Variants in BANK1 observed in about 807,000 individuals in gnomAD.
BANK1 encodes B-cell scaffold protein with ankyrin repeats.
BANK1 carries 95 observed loss-of-function variants against 94.5 expected under a neutral mutation model. The ratio of observed to expected loss-of-function variants is 1.00; its 90% CI spans 0.85 to 1.19. BANK1 has a LOEUF of 1.19. BANK1 is among the 50% of genes most tolerant of loss of function. BANK1 has a pLI of 0.00. For synonymous variants in BANK1, 334 were observed against 308.4 expected (o/e 1.08, Z -0.87); for missense variants, 987 against 932.2 (o/e 1.06, Z -0.77).
At chr4:101,954,491 G>A (rs1724274077) in intron 7 of BANK1, among the ~76,000 whole-genome samples, 1 of 152,072 alleles carries the variant, frequency 6.6e-6, no homozygotes, top group Non-Finnish European at 1.5e-5. Context: ...CCTAGAAAAG[G>A]TGGTAGTAAA....
intron 7 of BANK1, among the ~76,000 whole-genome samples, chr4:101,939,544 CAG>C (rs1723673873): frequency 6.6e-6 from 1 of 151,650 alleles, no homozygotes; most frequent in Admixed American, 6.6e-5. Flanking sequence ...GTTGCAATGG[CAG>C]GGGAGTAGAG....
intron 5 of BANK1, among the ~76,000 whole-genome samples, chr4:101,876,883 A>G (rs1401411670): frequency 6.6e-6 from 1 of 152,176 alleles, no homozygotes; most frequent in Non-Finnish European, 1.5e-5. Flanking sequence ...GAAATTCTGG[A>G]GCTGAAAAAT....
chr4:101,831,068 T>C (rs1726598380), intron 2 of BANK1, among the ~76,000 whole-genome samples: 1 of 152,214 alleles, frequency 6.6e-6, no homozygotes. Flanking sequence ...TGTTGAGTTC[T>C]ATGGCTCCTT....
At chr4:101,927,426 G>A (rs1203611890) in intron 7 of BANK1, among the ~76,000 whole-genome samples, 1 of 151,590 alleles carries the variant, frequency 6.6e-6, no homozygotes, top group Non-Finnish European at 1.5e-5. Context: ...AACCATATCA[G>A]GCATCATATG....
chr4:101,830,328 C>T (rs1726569014), intron 2 of BANK1, 122 bp downstream of exon 2: 2 of 779,510 alleles, frequency 2.6e-6, no homozygotes, highest in African/African-American at 1.8e-5. Flanking sequence ...AAAATGAGAG[C>T]TGATTTTATT....
intron 13 of BANK1, among the ~76,000 whole-genome samples, chr4:102,066,399 G>A (rs1728594311): frequency 6.6e-6 from 1 of 151,502 alleles, no homozygotes; most frequent in African/African-American, 2.4e-5. Flanking sequence ...TGAGACTACA[G>A]GCACCCGCCA....
At chr4:102,003,541 T>G (rs932982414) in intron 7 of BANK1, among the ~76,000 whole-genome samples, 11 of 152,178 alleles carry the variant, frequency 7.2e-5, no homozygotes, top group Non-Finnish European at 1.5e-4. Context: ...GTGGCTGGGT[T>G]CTAAGGGTGA....
At chr4:101,903,217 A>C (rs1014136317) in intron 6 of BANK1, among the ~76,000 whole-genome samples, 2 of 152,230 alleles carry the variant, frequency 1.3e-5, no homozygotes, top group African/African-American at 4.8e-5. Context: ...GAATCCAATT[A>C]GTTAATTTCA....
chr4:102,010,179 G>A (rs1420755674), intron 7 of BANK1, among the ~76,000 whole-genome samples: 1 of 151,568 alleles, frequency 6.6e-6, no homozygotes, highest in South Asian at 2.1e-4. Flanking sequence ...GCAGGAGAAT[G>A]GCGTGAACCC....
rs1490194370 is a variant in BANK1 at position 102,073,551 on chromosome 4, T to G, written c.2299-133T>G. The G allele has an allele frequency of 5.8e-6, 4 of 690,252 alleles. 1 individual carries two copies. Among genetic ancestry groups the G allele is most frequent in the South Asian group, 3.9e-5 (2 of 51,936 alleles). 42.8% of individuals were successfully genotyped at this position (690,252 alleles called of 1,614,324 possible). On this transcript the variant is annotated intron_variant, in intron 15 of 16. Coordinates refer to ENST00000322953, the MANE Select transcript of BANK1 (RefSeq NM_017935.5). ...TTTCCTTTTAAAATGGAAGATTGTCTTGCCAGTTTTCTCTGCAAAGCTGTT... is the reference window on the plus strand; with the variant it reads ...TTTCCTTTTAAAATGGAAGATTGTCGTGCCAGTTTTCTCTGCAAAGCTGTT...
At chr4:101,905,595 C>A (rs956509613) in intron 6 of BANK1, among the ~76,000 whole-genome samples, 1 of 152,046 alleles carries the variant, frequency 6.6e-6, no homozygotes, top group Non-Finnish European at 1.5e-5. Context: ...TTTAGTATGA[C>A]CATGCTTCCC....
chr4:101,867,021 CG>C (rs1260472174), intron 4 of BANK1, among the ~76,000 whole-genome samples: 1 of 35,964 alleles, frequency 2.8e-5, no homozygotes, highest in Admixed American at 2.6e-4. Context: ...GTGGTGGGGT[CG>C]GGGGAGGGGG....
intron 6 of BANK1, among the ~76,000 whole-genome samples, chr4:101,907,730 C>T (rs1029705925): frequency 6.6e-6 from 1 of 152,130 alleles, no homozygotes; most frequent in African/African-American, 2.4e-5. Flanking sequence ...AATCAATGTG[C>T]AAAAATCACA....
At position 102,025,322 on chromosome 4, in the gene BANK1, A is replaced by T. The variant is rs1197492160; in HGVS notation, c.1407A>T (p.Lys469Asn). The change falls in exon 9 of 17, where the codon AAA becomes AAT. Residue 469 changes from lysine to asparagine, a missense_variant. Transcript: ENST00000322953. ...GKQNGSGMETKHSPLEVGSES... is the reference protein window; with the variant it reads ...GKQNGSGMETNHSPLEVGSES... ...AGAATGGATCAGGCATGGAGACCAA[A>T]CACAGCCCACTAGAGGTTGGCAGTG... 2 of 1,614,168 alleles carry T rather than the reference A, an allele frequency of 1.2e-6. No homozygotes were observed. Among genetic ancestry groups the T allele is most frequent in the Admixed American group, 1.7e-5 (1 of 60,018 alleles).
At chr4:101,971,405 C>T (rs1724948073) in intron 7 of BANK1, among the ~76,000 whole-genome samples, 1 of 152,088 alleles carries the variant, frequency 6.6e-6, no homozygotes, top group African/African-American at 2.4e-5. Context: ...TCATAAAAAA[C>T]AATAAGATGA....
chr4:101,936,250 GA>G (rs1391679637), intron 7 of BANK1, among the ~76,000 whole-genome samples: 1 of 132,152 alleles, frequency 7.6e-6, no homozygotes, highest in Non-Finnish European at 1.7e-5. Flanking sequence ...ATACATATAT[GA>G]CACACATACA....
chr4:102,002,644 C>G (rs1726119845), intron 7 of BANK1, among the ~76,000 whole-genome samples: 1 of 151,786 alleles, frequency 6.6e-6, no homozygotes, highest in Non-Finnish European at 1.5e-5. Context: ...ATGACTTGCT[C>G]AAGATATACA....
At chr4:101,858,435 C>G (rs1727758509) in intron 3 of BANK1, among the ~76,000 whole-genome samples, 1 of 152,140 alleles carries the variant, frequency 6.6e-6, no homozygotes, top group African/African-American at 2.4e-5. Context: ...ATTTTCTCAG[C>G]AGTAGCTCCA....
intron 6 of BANK1, among the ~76,000 whole-genome samples, chr4:101,897,252 T>C (rs1050302060): frequency 3.9e-5 from 6 of 151,976 alleles, no homozygotes; most frequent in Non-Finnish European, 7.4e-5. Context: ...GGTGTGAAGA[T>C]GGAATTATGA....
Sources: allele counts gnomAD v4.1 joint callset (sites outside exome capture counted in the v4.1 genomes callset), GRCh38; gene constraint gnomAD v4.1.1; transcripts MANE v1.5; gene names NCBI Gene and HGNC (gene_info 2026-07-23, HGNC 2026-07-21).